The following CDH4 variants were observed in gnomAD, a reference collection of about 807,000 sequenced individuals.
CDH4 encodes cadherin-4.
A neutral mutation model predicts 86.0 loss-of-function variants in CDH4; 33 were observed. The ratio of observed to expected loss-of-function variants is 0.38; its 90% confidence interval spans 0.29 to 0.51. CDH4 has a LOEUF of 0.51. CDH4 is among the 20% of genes least tolerant of loss of function. CDH4 has a pLI of 0.86. For missense variants in CDH4, 1,114 were observed against 1,307.4 expected (o/e 0.85, Z 2.28); for synonymous variants, 555 against 549.4 (o/e 1.01, Z -0.14).
chr20:61,297,202 G>A (rs1355241535), intron 2 of CDH4, among the ~76,000 whole-genome samples: 1 of 152,078 alleles, frequency 6.6e-6, no homozygotes, highest in Non-Finnish European at 1.5e-5. Flanking sequence ...CCTGGCCAAC[G>A]TGGCAAAACC....
chr20:61,484,070 A>G (rs528949691), intron 2 of CDH4, among the ~76,000 whole-genome samples: 1 of 151,968 alleles, frequency 6.6e-6, no homozygotes, highest in East Asian at 1.9e-4. Context: ...GCATCTTCCT[A>G]AAGCATAGCC....
intron 2 of CDH4, among the ~76,000 whole-genome samples, chr20:61,455,134 A>G (rs1216918794): frequency 6.6e-6 from 1 of 151,612 alleles, no homozygotes; most frequent in East Asian, 1.9e-4. Flanking sequence ...AACCACCACA[A>G]CCAACATCCC....
intron 2 of CDH4, among the ~76,000 whole-genome samples, chr20:61,643,184 T>C (rs949711335): frequency 4.6e-5 from 7 of 152,068 alleles, no homozygotes; most frequent in African/African-American, 7.3e-5. Flanking sequence ...TGTCATAACA[T>C]GAGAGAAAGC....
At chr20:61,549,060 G>A (rs2086109103) in intron 2 of CDH4, among the ~76,000 whole-genome samples, 1 of 152,138 alleles carries the variant, frequency 6.6e-6, no homozygotes, top group Admixed American at 6.5e-5. Flanking sequence ...TGTTATCTAA[G>A]CAGTGTCATT....
chr20:61,474,700 ATTCT>A (rs945626184), intron 2 of CDH4, among the ~76,000 whole-genome samples: 2 of 151,952 alleles, frequency 1.3e-5, no homozygotes, highest in Non-Finnish European at 2.9e-5. Flanking sequence ...TGCTTTCAAC[ATTCT>A]TTTTTTTAAA....
intron 7 of CDH4, among the ~76,000 whole-genome samples, chr20:61,887,144 A>T (rs6121482): frequency 0.014 from 2,108 of 146,824 alleles, 59 homozygotes; most frequent in African/African-American, 0.049. Context: ...GAAAAGGGGG[A>T]GATGGGCACA....
intron 2 of CDH4, among the ~76,000 whole-genome samples, chr20:61,461,254 G>T (rs2085440365): frequency 6.6e-6 from 1 of 152,226 alleles, no homozygotes; most frequent in Middle Eastern, 3.4e-3. Flanking sequence ...AAGAAAGACA[G>T]CAAGGAAGAC....
In CDH4 at chr20:61,936,810, G is replaced by A; in HGVS notation, c.2618G>A (p.Ser873Asn). ...CTGCTGGTCTTCGACTACGAGGGGA[G>A]CGGCTCCACCGCAGGCTCCGTCAGC... ...DSLLVFDYEG[S>N]GSTAGSVSSL... Residue 873 changes from serine to asparagine, a missense_variant, in exon 16 of 16, where the codon AGC becomes AAC. Physicochemically the swap from Ser to Asn is conservative, Grantham distance 46 (BLOSUM62 1). Transcript: ENST00000614565. The A allele has an allele frequency of 7.4e-6, 12 of 1,610,996 alleles. No homozygotes were observed. The highest frequency in any genetic ancestry group is 1.0e-5 in the Non-Finnish European group (12 of 1,179,262).
At chr20:61,874,776 A>G (rs1450951620) in intron 7 of CDH4, among the ~76,000 whole-genome samples, 1 of 152,180 alleles carries the variant, frequency 6.6e-6, no homozygotes, top group African/African-American at 2.4e-5. Context: ...CACAGAGGCC[A>G]GTGTCATTCC....
chr20:61,584,033 G>A (rs2086451953), intron 2 of CDH4, among the ~76,000 whole-genome samples: 1 of 152,140 alleles, frequency 6.6e-6, no homozygotes, highest in South Asian at 2.1e-4. Context: ...GCTGTTGCAT[G>A]CCTGTAGTCT....
intron 2 of CDH4, among the ~76,000 whole-genome samples, chr20:61,495,628 C>T (rs1356588149): frequency 1.3e-5 from 2 of 152,130 alleles, no homozygotes; most frequent in African/African-American, 2.4e-5. Flanking sequence ...GCAGGCCGGG[C>T]ACTGTGGCTC....
intron 2 of CDH4, among the ~76,000 whole-genome samples, chr20:61,354,414 C>A (rs1331314574): frequency 6.6e-6 from 1 of 152,214 alleles, no homozygotes; most frequent in Non-Finnish European, 1.5e-5. Flanking sequence ...GATGGCCATC[C>A]CCACTTTGCT....
chr20:61,301,988 T>A (rs908429268), intron 2 of CDH4, among the ~76,000 whole-genome samples: 3 of 152,270 alleles, frequency 2.0e-5, no homozygotes, highest in African/African-American at 7.2e-5. Context: ...ATATTGGAAG[T>A]TGCCCAAAAC....
intron 3 of CDH4, among the ~76,000 whole-genome samples, chr20:61,762,235 T>C (rs1403952866): frequency 6.6e-6 from 1 of 152,222 alleles, no homozygotes; most frequent in Non-Finnish European, 1.5e-5. Flanking sequence ...ACGAGGCATG[T>C]TGGAAACAGA....
chr20:61,826,000 C>T (rs935616223), intron 4 of CDH4, among the ~76,000 whole-genome samples: 2 of 152,212 alleles, frequency 1.3e-5, no homozygotes, highest in Non-Finnish European at 2.9e-5. Flanking sequence ...ACTGCCACAG[C>T]GTGCTCTGAC....
At chr20:61,330,476 G>GCTTA (rs879696288) in intron 2 of CDH4, among the ~76,000 whole-genome samples, 3 of 152,230 alleles carry the variant, frequency 2.0e-5, no homozygotes, top group African/African-American at 4.8e-5. Flanking sequence ...GTGATGTTGA[G>GCTTA]CTTAGGTTGT....
In CDH4 at chr20:61,387,806, G is replaced by A. The variant is rs947541924; in HGVS notation, c.169+132869G>A. ...CGCAGTGAGAGCACCAGACAAGCCC[G>A]CACCGGCCCGTGGCCCTGCCCCTTC... On this transcript the variant is annotated intron_variant, in intron 2 of 15. Transcript: ENST00000614565. 2.0e-5 allele frequency among the ~76,000 whole-genome samples: 3 copies of A among 152,128 alleles called. No individual in the cohort carries two copies. The East Asian group carries it at 5.8e-4, about 29-fold the overall frequency.
intron 2 of CDH4, among the ~76,000 whole-genome samples, chr20:61,369,190 C>T (rs983214699): frequency 2.6e-5 from 4 of 152,174 alleles, no homozygotes; most frequent in South Asian, 2.1e-4. Context: ...CAGTGGTGCA[C>T]GCCTGTAATC....
intron 5 of CDH4, 141 bp downstream of exon 5, chr20:61,844,964 T>C: frequency 1.1e-6 from 1 of 874,946 alleles, no homozygotes; most frequent in Non-Finnish European, 1.7e-6. Flanking sequence ...AGCAGAATCC[T>C]GGGAAGCTGG....
Sources: gnomAD v4.1 joint callset for allele counts (sites outside exome capture counted in the v4.1 genomes callset) on GRCh38, gnomAD v4.1.1 for gene constraint, MANE v1.5 for transcripts, NCBI Gene and HGNC (gene_info 2026-07-23, HGNC 2026-07-21) for gene names.